Variants in CLSTN1 observed in about 807,000 individuals in gnomAD.
The protein encoded by CLSTN1 is calsyntenin 1.
Under a neutral mutation model 108.3 loss-of-function variants are expected in CLSTN1, and 28 were observed. The observed-to-expected ratio is 0.26, with a 90% CI of 0.19 to 0.35. The LOEUF (loss-of-function observed/expected upper bound fraction) is 0.35, where lower values mean the gene tolerates loss of function less well. Among genes scored for constraint, CLSTN1 ranks in the 10% least tolerant of loss-of-function variants. The pLI, the probability that CLSTN1 is intolerant of heterozygous loss-of-function variation, is 1.00. For missense variants in CLSTN1, 1,157 were observed against 1,302.6 expected (o/e 0.89, Z 1.72); for synonymous variants, 524 against 534.9 (o/e 0.98, Z 0.28).
intron 1 of CLSTN1, among the ~76,000 whole-genome samples, chr1:9,796,579 G>C (rs995513813): frequency 1.3e-5 from 2 of 151,106 alleles, no homozygotes; most frequent in African/African-American, 4.8e-5. Flanking sequence ...AGCAACTCAG[G>C]AGGCTGAGGC....
chr1:9,765,618 A>T (rs1652290550), intron 2 of CLSTN1, among the ~76,000 whole-genome samples: 1 of 151,580 alleles, frequency 6.6e-6, no homozygotes, highest in South Asian at 2.1e-4. Flanking sequence ...CCGTTGCTCC[A>T]CCTGTAATCC....
At chr1:9,800,130 A>G (rs1654191940) in intron 1 of CLSTN1, among the ~76,000 whole-genome samples, 1 of 152,132 alleles carries the variant, frequency 6.6e-6, no homozygotes. Flanking sequence ...GAAAAAAAGA[A>G]AGAGCTAAAA....
chr1:9,776,498 A>G (rs72855716), intron 1 of CLSTN1, among the ~76,000 whole-genome samples: 35,730 of 151,918 alleles, frequency 0.24, 7,354 homozygotes, highest in African/African-American at 0.55. Context: ...AATGGTAGAC[A>G]GGAAAATTTT....
intron 1 of CLSTN1, among the ~76,000 whole-genome samples, chr1:9,774,035 C>A (rs1652821295): frequency 6.6e-6 from 1 of 152,124 alleles, no homozygotes; most frequent in Admixed American, 6.6e-5. Context: ...AGCCACGGCA[C>A]CTGGCCCCAG....
intron 2 of CLSTN1, among the ~76,000 whole-genome samples, chr1:9,768,812 T>C (rs1218335733): frequency 1.0e-4 from 2 of 19,752 alleles, no homozygotes; most frequent in African/African-American, 1.9e-4. Flanking sequence ...GGTGGCACTA[T>C]GGGGGCGGGG....
At chr1:9,769,024 GGAGA>G (rs1652529128) in intron 2 of CLSTN1, among the ~76,000 whole-genome samples, 1 of 140,710 alleles carries the variant, frequency 7.1e-6, no homozygotes. Flanking sequence ...AGGGAATGAG[GGAGA>G]GAGGGAGAAA....
At position 9,823,488 on chromosome 1, in the gene CLSTN1, T is replaced by TGCGCTCGGACCCGACTCCCC. The variant is rs1655272692; in HGVS notation, c.91+135_91+154dup. 1.3e-5 allele frequency among the ~76,000 whole-genome samples: 2 copies of TGCGCTCGGACCCGACTCCCC among 151,752 alleles called. No homozygotes were observed. The highest frequency in any genetic ancestry group is 2.4e-5 in the African/African-American group (1 of 41,310). ...AACCCCACGCCCTGACCCGGCTCCC[T>TGCGCTCGGACCCGACTCCCC]GCGCTCGGACCCGACTCCCCGCATC... On this transcript the variant is annotated intron_variant, in intron 1 of 18. Transcript: ENST00000377298. This position sits in a 1 kb window ranked among gnomAD's most constrained non-coding sequence, Gnocchi z 6.3.
chr1:9,755,284 G>C lies in CLSTN1; in HGVS notation c.270C>G (p.His90Gln). The change falls in exon 4 of 19, where the codon CAC becomes CAG. Residue 90 changes from histidine to glutamine, a missense_variant. Transcript: ENST00000377298. ...KEGEICGFKI[H>Q]GQNVPFDAVV... ...CTGCATCAAAGGGGACATTCTGCCC[G>C]TGAATTTTAAATCCACAAATCTCAC... 6.2e-7 allele frequency: 1 copy of C among 1,612,434 alleles called. No homozygotes were observed. The highest frequency in any genetic ancestry group is 8.5e-7 in the Non-Finnish European group (1 of 1,178,788).
At chr1:9,737,686 G>T in intron 10 of CLSTN1, 132 bp from the exon 11 acceptor site, 1 of 766,204 alleles carries the variant, frequency 1.3e-6, no homozygotes, top group Non-Finnish European at 2.2e-6. Flanking sequence ...ATCCCGCTCT[G>T]GGATGTACCC....
chr1:9,775,148 T>G (rs184245816), intron 1 of CLSTN1, among the ~76,000 whole-genome samples: 1 of 152,268 alleles, frequency 6.6e-6, no homozygotes, highest in Non-Finnish European at 1.5e-5. Context: ...AAGGTCTTTG[T>G]GACCTGTGTC....
intron 9 of CLSTN1, 52 bp from the exon 10 acceptor site, chr1:9,741,308 A>T (rs1176559563): frequency 6.5e-7 from 1 of 1,540,864 alleles, no homozygotes. Context: ...TTTCCTTCTC[A>T]TCAATGCCCA....
chr1:9,757,831 C>G (rs1004975569), intron 2 of CLSTN1, among the ~76,000 whole-genome samples: 3 of 152,208 alleles, frequency 2.0e-5, no homozygotes, highest in African/African-American at 7.2e-5. Flanking sequence ...CCTCAACACA[C>G]TGGGCCCTCA....
At chr1:9,801,191 G>A (rs1011970538) in intron 1 of CLSTN1, among the ~76,000 whole-genome samples, 3 of 152,284 alleles carry the variant, frequency 2.0e-5, no homozygotes, top group African/African-American at 4.8e-5. Context: ...GTTGCAGTAA[G>A]CTGAGATCGT....
At chr1:9,733,281 A>T (rs887700124) in intron 16 of CLSTN1, 120 bp downstream of exon 16, 1 of 1,247,610 alleles carries the variant, frequency 8.0e-7, no homozygotes, top group Admixed American at 1.9e-5. Context: ...CCCTAGAATG[A>T]GCCTGTATAG....
intron 2 of CLSTN1, among the ~76,000 whole-genome samples, chr1:9,764,925 G>A (rs1652253739): frequency 6.6e-6 from 1 of 152,094 alleles, no homozygotes; most frequent in Admixed American, 6.6e-5. Context: ...CTCTTCCTGG[G>A]TGGTGTCTAC....
chr1:9,795,503 G>A (rs150154695), intron 1 of CLSTN1, among the ~76,000 whole-genome samples: 1 of 151,228 alleles, frequency 6.6e-6, no homozygotes, highest in Non-Finnish European at 1.5e-5. Context: ...AAACAAAACC[G>A]CTCAATCTTA....
At chr1:9,757,785 G>T (rs1275858721) in intron 2 of CLSTN1, among the ~76,000 whole-genome samples, 1 of 152,112 alleles carries the variant, frequency 6.6e-6, no homozygotes, top group African/African-American at 2.4e-5. Context: ...TACTATGGAG[G>T]AGTGGAAATG....
intron 1 of CLSTN1, among the ~76,000 whole-genome samples, chr1:9,810,549 T>C (rs916220855): frequency 1.5e-4 from 22 of 150,910 alleles, no homozygotes; most frequent in African/African-American, 5.1e-4. Flanking sequence ...CCACAGCAGA[T>C]AGATCACCTG....
intron 1 of CLSTN1, among the ~76,000 whole-genome samples, chr1:9,821,240 C>A (rs1355033076): frequency 6.6e-6 from 1 of 152,228 alleles, no homozygotes; most frequent in African/African-American, 2.4e-5. Context: ...TCAAGCAATT[C>A]TCCTGCCTCA....
Sources: gnomAD v4.1 joint callset for allele counts (sites outside exome capture counted in the v4.1 genomes callset) on GRCh38, gnomAD v4.1.1 for gene constraint, Gnocchi (gnomAD v3.1) non-coding constraint, MANE v1.5 for transcripts, NCBI Gene and HGNC (gene_info 2026-07-23, HGNC 2026-07-21) for gene names.